The following ASRGL1 variants were observed in gnomAD, a reference collection of about 807,000 sequenced individuals.
The protein encoded by ASRGL1 is asparaginase and isoaspartyl peptidase 1.
ASRGL1 carries 16 observed loss-of-function variants against 22.4 expected under a neutral mutation model. The ratio of observed to expected loss-of-function variants is 0.71; its 90% CI spans 0.48 to 1.08. The LOEUF (loss-of-function observed/expected upper bound fraction) is 1.08. Among genes scored for constraint, ASRGL1 ranks in the 50% least tolerant of loss-of-function variants. The probability of loss-of-function intolerance (pLI) is 0.00; values close to 1 mark genes in which losing one functional copy is unlikely to be tolerated. For synonymous variants in ASRGL1, 165 were observed against 159.3 expected (o/e 1.04, Z -0.27); for missense variants, 412 against 410.1 (o/e 1.00, Z -0.04).
intron 4 of ASRGL1, chr11:62,372,727 G>A (rs1291146524): frequency 5.7e-5 from 84 of 1,463,912 alleles, no homozygotes; most frequent in Non-Finnish European, 7.8e-5. Flanking sequence ...ATGGTCCCCC[G>A]CCTGGTGAAG....
At chr11:62,400,641 G>C in the ASRGL1 span, among the ~76,000 whole-genome samples, 2 of 152,202 alleles carry the variant, frequency 1.3e-5, no homozygotes, top group Admixed American at 1.3e-4. Context: ...TTTCTACTTT[G>C]TGGAGTAGCC....
chr11:62,355,166 G>A (rs972972910), intron 2 of ASRGL1, among the ~76,000 whole-genome samples: 1 of 151,892 alleles, frequency 6.6e-6, no homozygotes, highest in East Asian at 1.9e-4. Flanking sequence ...GATCCGCCTC[G>A]GCCTCCCAAA....
intron 4 of ASRGL1, chr11:62,371,937 G>A (rs766132438): frequency 2.1e-5 from 12 of 577,400 alleles, no homozygotes; most frequent in Admixed American, 1.3e-4. Flanking sequence ...CTGGGCAACA[G>A]AGCAAGACTC....
At chr11:62,399,279 G>A in the ASRGL1 span, among the ~76,000 whole-genome samples, 1 of 152,140 alleles carries the variant, frequency 6.6e-6, no homozygotes, top group African/African-American at 2.4e-5. Context: ...CAGGACTCAG[G>A]GCAAGGCACC....
At chr11:62,390,089 A>G (rs1947305133) in intron 5 of ASRGL1, among the ~76,000 whole-genome samples, 5 of 152,326 alleles carry the variant, frequency 3.3e-5, no homozygotes, top group Admixed American at 3.3e-4. Flanking sequence ...ATCACCCAAG[A>G]GATGTGAAGT....
At chr11:62,389,407 G>A (rs746424583) in intron 5 of ASRGL1, 156 bp downstream of exon 5, 17 of 752,996 alleles carry the variant, frequency 2.3e-5, no homozygotes, top group Non-Finnish European at 4.0e-5. Context: ...GGGTTGGAAG[G>A]GGTTGTTCGG....
At position 62,385,591 on chromosome 11, in the gene ASRGL1, G is replaced by A. The variant is rs972989808; in HGVS notation, c.492-3542G>A. ...CACATAAAAGATTTTAGGGCCAGGC[G>A]TGGTGCCTCACGCCTGTAATCCCAG... On this transcript the variant is annotated intron_variant, in intron 4 of 6. Transcript: ENST00000415229. 9.8e-5 allele frequency among the ~76,000 whole-genome samples: 15 copies of A among 152,342 alleles called. No homozygotes were observed. The East Asian group carries it at 1.2e-3, about 12-fold the overall frequency.
At chr11:62,396,772 AT>A (rs11351188), downstream of ASRGL1, among the ~76,000 whole-genome samples, 114,018 of 149,906 alleles carry the variant, frequency 0.76, 43,229 homozygotes, top group South Asian at 0.83. Flanking sequence ...GCCTGGGGTG[AT>A]TTTTTTTTTT....
the ASRGL1 span, among the ~76,000 whole-genome samples, chr11:62,400,913 C>T: frequency 2.6e-4 from 40 of 152,336 alleles, no homozygotes; most frequent in African/African-American, 8.9e-4. Context: ...CCCTGCCCCT[C>T]GTCTCTGGAC....
At chr11:62,344,006 G>T (rs572526137) in intron 2 of ASRGL1, among the ~76,000 whole-genome samples, 35 of 131,318 alleles carry the variant, frequency 2.7e-4, no homozygotes, top group Non-Finnish European at 4.5e-4. Flanking sequence ...TCAGCTCACC[G>T]CAACCTCCAC....
At chr11:62,394,585 A>C (rs554347330), downstream of ASRGL1, among the ~76,000 whole-genome samples, 1 of 152,122 alleles carries the variant, frequency 6.6e-6, no homozygotes, top group Admixed American at 6.6e-5. Flanking sequence ...ACAATCGCTA[A>C]GGAGATAGAA....
intron 2 of ASRGL1, 36 bp from the exon 3 acceptor site, chr11:62,356,289 C>G: frequency 6.2e-7 from 1 of 1,608,702 alleles, no homozygotes; most frequent in Non-Finnish European, 8.5e-7. Flanking sequence ...GGCGTAAATT[C>G]TTAATTCTTG....
intron 2 of ASRGL1, among the ~76,000 whole-genome samples, chr11:62,338,932 C>CAAAA (rs576869521): frequency 0.23 from 23,153 of 101,430 alleles, 3,996 homozygotes; most frequent in South Asian, 0.37. Context: ...GAGACTATCT[C>CAAAA]AAAAAAAAAA....
At chr11:62,364,243 A>ATG (rs1555003459) in intron 4 of ASRGL1, among the ~76,000 whole-genome samples, 1 of 34,864 alleles carries the variant, frequency 2.9e-5, no homozygotes, top group Non-Finnish European at 7.4e-5. Context: ...AATTTATTAA[A>ATG]TGTGTGTGTG....
intron 4 of ASRGL1, among the ~76,000 whole-genome samples, chr11:62,381,229 C>T (rs1284714488): frequency 2.6e-5 from 4 of 152,144 alleles, no homozygotes; most frequent in Admixed American, 6.5e-5. Flanking sequence ...GCATCTGAAC[C>T]GCTGGAAGAG....
At chr11:62,388,762 T>C (rs372425555) in intron 4 of ASRGL1, among the ~76,000 whole-genome samples, 3 of 151,864 alleles carry the variant, frequency 2.0e-5, no homozygotes, top group Non-Finnish European at 4.4e-5. Flanking sequence ...GGTGGCAGCT[T>C]CAGAGTCTCT....
the ASRGL1 span, among the ~76,000 whole-genome samples, chr11:62,399,224 A>G: frequency 6.6e-6 from 1 of 152,122 alleles, no homozygotes; most frequent in South Asian, 2.1e-4. Context: ...CTCAAAAAAA[A>G]AGAACTTCCA....
intron 4 of ASRGL1, among the ~76,000 whole-genome samples, chr11:62,365,245 G>C (rs1336942762): frequency 6.6e-6 from 1 of 152,000 alleles, no homozygotes; most frequent in Non-Finnish European, 1.5e-5. Flanking sequence ...ATTGTGTACT[G>C]GAAATTTGCT....
intron 4 of ASRGL1, among the ~76,000 whole-genome samples, chr11:62,359,531 A>G (rs1330068244): frequency 6.6e-6 from 1 of 152,220 alleles, no homozygotes; most frequent in Non-Finnish European, 1.5e-5. Context: ...ATAAGAAATT[A>G]TAAGATGTCT....
Sources: allele counts gnomAD v4.1 joint callset (sites outside exome capture counted in the v4.1 genomes callset), GRCh38; gene constraint gnomAD v4.1.1; transcripts MANE v1.5; gene names NCBI Gene and HGNC (gene_info 2026-07-23, HGNC 2026-07-21).